The following TRPC5 variants were observed in gnomAD, a reference collection of about 807,000 sequenced individuals.
The protein encoded by TRPC5 is short transient receptor potential channel 5.
TRPC5 carries 9 observed loss-of-function variants against 56.5 expected under a neutral mutation model. The observed-to-expected ratio is 0.16, with a 90% CI of 0.10 to 0.28. The LOEUF (loss-of-function observed/expected upper bound fraction) is 0.28. Among genes scored for constraint, TRPC5 ranks in the 10% least tolerant of loss-of-function variants. The pLI is 1.00. For missense variants in TRPC5, 469 were observed against 748.9 expected (o/e 0.63, Z 4.36); for synonymous variants, 282 against 278.5 (o/e 1.01, Z -0.13).
At chrX:111,875,774 T>G (rs1923918428) in intron 3 of TRPC5, among the ~76,000 whole-genome samples, 1 of 109,609 alleles carries the variant, frequency 9.1e-6, no homozygotes. Flanking sequence ...TTAGTTGGGC[T>G]TGGTTGATGC....
chrX:111,825,158 T>C (rs749656745), intron 7 of TRPC5, among the ~76,000 whole-genome samples: 4,266 of 36,920 alleles, frequency 0.12, 492 homozygotes, highest in African/African-American at 0.38. Flanking sequence ...TTTCTTTCTT[T>C]CTTTCTTTCT....
At chrX:111,942,484 A>G (rs1176783050) in intron 2 of TRPC5, among the ~76,000 whole-genome samples, 1 of 111,747 alleles carries the variant, frequency 8.9e-6, no homozygotes, top group Non-Finnish European at 1.9e-5. Flanking sequence ...TGGTAGAAAG[A>G]GTAGCTTGGG....
intron 1 of TRPC5, among the ~76,000 whole-genome samples, chrX:111,973,754 T>C (rs1927845131): frequency 8.9e-6 from 1 of 112,444 alleles, no homozygotes; most frequent in African/African-American, 3.2e-5. Context: ...ACAAATTACA[T>C]TAGAAACAAA....
At chrX:111,924,108 A>G (rs1004318346) in intron 2 of TRPC5, among the ~76,000 whole-genome samples, 35 of 112,252 alleles carry the variant, frequency 3.1e-4, no homozygotes, top group Non-Finnish European at 5.1e-4. Flanking sequence ...GGATATCATG[A>G]TAAAGGTTTC....
chrX:111,812,761 T>C (rs1382017111), intron 7 of TRPC5, among the ~76,000 whole-genome samples: 1 of 112,313 alleles, frequency 8.9e-6, no homozygotes, highest in African/African-American at 3.2e-5. Context: ...TAAGCATTCA[T>C]ACATTAATTC....
chrX:111,988,258 T>G (rs1362784301), intron 1 of TRPC5, among the ~76,000 whole-genome samples: 1 of 111,452 alleles, frequency 9.0e-6, no homozygotes, highest in Admixed American at 9.5e-5. Flanking sequence ...CCCTTTGTCA[T>G]TTTACTTACA....
chrX:111,802,932 G>A (rs12007844), intron 7 of TRPC5, among the ~76,000 whole-genome samples: 182 of 110,098 alleles, frequency 1.7e-3, no homozygotes, highest in African/African-American at 5.9e-3. Context: ...TCAATACATA[G>A]GTATACATGC....
intron 7 of TRPC5, among the ~76,000 whole-genome samples, chrX:111,782,454 A>G (rs752235351): frequency 3.0e-4 from 33 of 111,619 alleles, no homozygotes; most frequent in Non-Finnish European, 4.7e-4. Context: ...GGTATAAAAT[A>G]TAACTACTAA....
intron 1 of TRPC5, among the ~76,000 whole-genome samples, chrX:111,971,762 T>C (rs1325553301): frequency 8.9e-6 from 1 of 112,100 alleles, no homozygotes; most frequent in Admixed American, 9.5e-5. Flanking sequence ...CTATCATTCA[T>C]AACTTAACCT....
At chrX:111,917,031 C>T (rs112759771) in intron 2 of TRPC5, among the ~76,000 whole-genome samples, 9,166 of 112,704 alleles carry the variant, frequency 0.081, 916 homozygotes, top group African/African-American at 0.28. Context: ...GGGTTTTAAT[C>T]AGGAGAGTGG....
At chrX:111,806,163 A>G (rs181071842) in intron 7 of TRPC5, among the ~76,000 whole-genome samples, 1 of 112,252 alleles carries the variant, frequency 8.9e-6, no homozygotes, top group African/African-American at 3.2e-5. Context: ...AGTAATTTGT[A>G]TATTTAATAA....
chrX:111,891,632 C>T (rs1020616338), intron 3 of TRPC5, among the ~76,000 whole-genome samples: 4 of 111,587 alleles, frequency 3.6e-5, no homozygotes, highest in African/African-American at 1.3e-4. Flanking sequence ...CCTCCGCCTC[C>T]CGGGTTCAAG....
chrX:111,920,378 G>C lies in TRPC5; in HGVS notation c.379-7566C>G, dbSNP rs1038555985. Among the ~76,000 whole-genome samples the C allele has an allele frequency of 3.6e-5, 4 of 111,544 alleles. No homozygotes were observed. In the South Asian group the frequency reaches 1.5e-3, roughly 43 times the overall value. ...AAACTGTGACATATGGAAACCGTAA[G>C]AGCACCCCCCTTCAATTCTATTTTG... On this transcript the variant is annotated intron_variant, in intron 2 of 10. Coordinates refer to ENST00000262839, the MANE Select transcript of TRPC5 (RefSeq NM_012471.3).
intron 1 of TRPC5, among the ~76,000 whole-genome samples, chrX:111,981,173 C>G (rs1253977202): frequency 1.8e-5 from 2 of 109,530 alleles, no homozygotes; most frequent in African/African-American, 6.7e-5. Context: ...ATTCCAAAAG[C>G]CTGAGAACCA....
chrX:112,079,584 C>T lies in TRPC5; in HGVS notation c.-22+2295G>A, dbSNP rs1418366198. Among the ~76,000 whole-genome samples the T allele has an allele frequency of 3.6e-5, 4 of 112,402 alleles. No homozygotes were observed. The Admixed American group carries it at 3.8e-4, about 11-fold the overall frequency. On this transcript the variant is annotated intron_variant, in intron 1 of 10. Coordinates refer to ENST00000262839, the MANE Select transcript of TRPC5 (RefSeq NM_012471.3). ...AGTTTTCTTTCTGTTTGTTTCAAAACATCTTCGGTTCTCTCATATTCCTCT... is the reference window on the plus strand; with the variant it reads ...AGTTTTCTTTCTGTTTGTTTCAAAATATCTTCGGTTCTCTCATATTCCTCT...
intron 1 of TRPC5, among the ~76,000 whole-genome samples, chrX:112,062,657 C>T (rs1215163443): frequency 8.9e-6 from 1 of 112,084 alleles, no homozygotes; most frequent in Non-Finnish European, 1.9e-5. Context: ...TGTTGGGAGA[C>T]ACTGCAAATA....
At chrX:112,069,726 C>A (rs765831842) in intron 1 of TRPC5, among the ~76,000 whole-genome samples, 23 of 112,076 alleles carry the variant, frequency 2.1e-4, no homozygotes, top group Middle Eastern at 4.6e-3. Context: ...TTAGTTTGCC[C>A]AGACAGGAGT....
At chrX:112,024,770 G>C (rs1929372329) in intron 1 of TRPC5, among the ~76,000 whole-genome samples, 1 of 111,686 alleles carries the variant, frequency 9.0e-6, no homozygotes, top group Non-Finnish European at 1.9e-5. Context: ...TCAAATTAGG[G>C]TGATTTTAGA....
At chrX:111,865,247 C>A (rs1367623006) in intron 3 of TRPC5, among the ~76,000 whole-genome samples, 1 of 109,816 alleles carries the variant, frequency 9.1e-6, no homozygotes, top group African/African-American at 3.3e-5. Flanking sequence ...TCTTGAACTC[C>A]TGGGCTCAAG....
Sources: allele counts gnomAD v4.1 joint callset (sites outside exome capture counted in the v4.1 genomes callset), GRCh38; gene constraint gnomAD v4.1.1; transcripts MANE v1.5; gene names NCBI Gene and HGNC (gene_info 2026-07-23, HGNC 2026-07-21).